DOCK5: variants seen among roughly 807,000 people sequenced by gnomAD.
The protein encoded by DOCK5 is dedicator of cytokinesis 5.
DOCK5 carries 142 observed loss-of-function variants against 251.8 expected under a neutral mutation model. The observed-to-expected ratio is 0.56, with a 90% CI of 0.49 to 0.65. The LOEUF (loss-of-function observed/expected upper bound fraction) is 0.65, where lower values mean the gene tolerates loss of function less well. Ranked by LOEUF, DOCK5 falls within the 30% of genes least tolerant of loss-of-function variation. The pLI is 0.00. For synonymous variants in DOCK5, 842 were observed against 835.5 expected (o/e 1.01, Z -0.13); for missense variants, 2,111 against 2,312.3 (o/e 0.91, Z 1.79).
At chr8:25,375,510 G>A (rs1800948571) in intron 37 of DOCK5, 1 of 183,616 alleles carries the variant, frequency 5.4e-6, no homozygotes. Context: ...AGAGTACTAG[G>A]ATTACAGGCA....
At chr8:25,342,940 C>T (rs1387346346) in intron 25 of DOCK5, among the ~76,000 whole-genome samples, 2 of 151,732 alleles carry the variant, frequency 1.3e-5, no homozygotes, top group East Asian at 2.0e-4. Context: ...CTCCTGACCT[C>T]GTGATCCACC....
At chr8:25,247,970 G>A (rs1418936509) in intron 2 of DOCK5, among the ~76,000 whole-genome samples, 7 of 151,700 alleles carry the variant, frequency 4.6e-5, no homozygotes, top group African/African-American at 1.2e-4. Flanking sequence ...TGCGTCAGCC[G>A]TAGAACTTTT....
At chr8:25,372,836 C>T (rs1240086338) in intron 35 of DOCK5, 118 bp downstream of exon 35, 5 of 956,536 alleles carry the variant, frequency 5.2e-6, no homozygotes, top group Non-Finnish European at 7.6e-6. Flanking sequence ...CTTTGTGGAG[C>T]CGGTGTCTTC....
intron 21 of DOCK5, among the ~76,000 whole-genome samples, chr8:25,335,362 T>G (rs953043615): frequency 4.6e-5 from 7 of 152,158 alleles, no homozygotes; most frequent in Non-Finnish European, 1.0e-4. Context: ...CTGGGTTTAC[T>G]TGCAAGACTT....
intron 2 of DOCK5, among the ~76,000 whole-genome samples, chr8:25,253,143 C>T (rs764299373): frequency 1.3e-5 from 2 of 152,160 alleles, no homozygotes; most frequent in Non-Finnish European, 2.9e-5. Context: ...TAAAAATGTA[C>T]GTGATTCAGG....
At chr8:25,265,327 C>A (rs1803712816) in intron 2 of DOCK5, among the ~76,000 whole-genome samples, 1 of 151,914 alleles carries the variant, frequency 6.6e-6, no homozygotes, top group African/African-American at 2.4e-5. Context: ...TTCGTATTGC[C>A]TCTCCCCATT....
chr8:25,281,625 A>G (rs1014183192), intron 5 of DOCK5, among the ~76,000 whole-genome samples: 8 of 151,844 alleles, frequency 5.3e-5, no homozygotes, highest in Non-Finnish European at 1.0e-4. Context: ...TCACGCCTGT[A>G]ATCCCAGCAC....
Position 25,382,797 on chromosome 8 carries a change from G to T in DOCK5, c.4131+19G>T. ...CCTACGGGTAAGAAACCTGATGGTGGTCTCCCAGGCCATTAGGAGGAGGGA... is the reference window on the plus strand; with the variant it reads ...CCTACGGGTAAGAAACCTGATGGTGTTCTCCCAGGCCATTAGGAGGAGGGA... On this transcript the variant is annotated intron_variant, in intron 40 of 51. Coordinates refer to ENST00000276440, the MANE Select transcript of DOCK5 (RefSeq NM_024940.8). The T allele has an allele frequency of 1.3e-6, 2 of 1,588,662 alleles. No homozygotes were observed. Among genetic ancestry groups the T allele is most frequent in the East Asian group, 2.2e-5 (1 of 44,586 alleles).
At chr8:25,362,767 A>G (rs898541842) in intron 28 of DOCK5, among the ~76,000 whole-genome samples, 5 of 152,198 alleles carry the variant, frequency 3.3e-5, no homozygotes, top group African/African-American at 1.2e-4. Flanking sequence ...CCCTTAAGTG[A>G]GTCCTTTAGT....
chr8:25,399,552 T>C (rs1801401880), intron 45 of DOCK5, among the ~76,000 whole-genome samples: 1 of 152,260 alleles, frequency 6.6e-6, no homozygotes, highest in African/African-American at 2.4e-5. Context: ...TGCACTTAAT[T>C]TAATGATTAG....
At chr8:25,280,433 T>C (rs1804161329) in intron 5 of DOCK5, among the ~76,000 whole-genome samples, 1 of 152,226 alleles carries the variant, frequency 6.6e-6, no homozygotes, top group African/African-American at 2.4e-5. Context: ...TAAGAGTTCA[T>C]GGAAGATATT....
intron 1 of DOCK5, among the ~76,000 whole-genome samples, chr8:25,192,826 T>C (rs1351506616): frequency 6.6e-6 from 1 of 152,222 alleles, no homozygotes; most frequent in Admixed American, 6.5e-5. Flanking sequence ...CTATTTTCTA[T>C]GTTATATTTT....
intron 11 of DOCK5, 41 bp downstream of exon 11, chr8:25,304,368 G>A: frequency 6.6e-7 from 1 of 1,526,620 alleles, no homozygotes; most frequent in Middle Eastern, 1.7e-4. Context: ...TTGAGACCTG[G>A]ATTAGCCATT....
At chr8:25,308,370 A>G (rs1245705205) in intron 11 of DOCK5, among the ~76,000 whole-genome samples, 1 of 152,230 alleles carries the variant, frequency 6.6e-6, no homozygotes, top group Non-Finnish European at 1.5e-5. Flanking sequence ...TCTCTTACAG[A>G]TGGAGAAACT....
intron 1 of DOCK5, among the ~76,000 whole-genome samples, chr8:25,211,977 G>T (rs1274704969): frequency 1.5e-5 from 1 of 67,426 alleles, no homozygotes; most frequent in African/African-American, 3.4e-5. Context: ...TGGCTAACAC[G>T]GTGAATCCCT....
chr8:25,283,838 T>G (rs920721733), intron 5 of DOCK5, among the ~76,000 whole-genome samples: 1 of 152,044 alleles, frequency 6.6e-6, no homozygotes, highest in Non-Finnish European at 1.5e-5. Context: ...AAACTGCAAA[T>G]GTATGGCAGT....
chr8:25,227,492 A>G (rs1802560496), intron 1 of DOCK5, among the ~76,000 whole-genome samples: 1 of 151,888 alleles, frequency 6.6e-6, no homozygotes, highest in African/African-American at 2.4e-5. Context: ...CCATTGATTT[A>G]TTTTTTTATT....
intron 15 of DOCK5, 48 bp from the exon 16 acceptor site, chr8:25,320,932 G>T (rs1276259333): frequency 4.6e-6 from 7 of 1,531,316 alleles, no homozygotes; most frequent in Admixed American, 1.7e-5. Context: ...AACCATGCTT[G>T]CAAAGTACTG....
chr8:25,296,562 G>A lies in DOCK5; in HGVS notation c.520G>A (p.Asp174Asn). Residue 174 changes from aspartate (D) to asparagine (N), a missense_variant, in exon 7 of 52, where the codon GAC becomes AAC. Coordinates refer to ENST00000276440, the MANE Select transcript of DOCK5 (RefSeq NM_024940.8). Reference sequence around the variant, plus strand: ...GCGAGATGACAATGGGAACATCCTAGACCCTGACGAAACCAGCACCATTGC... The same window carrying A: ...GCGAGATGACAATGGGAACATCCTAAACCCTGACGAAACCAGCACCATTGC... Reference protein sequence around the residue: ...VVRDDNGNILDPDETSTIALF... With the variant: ...VVRDDNGNILNPDETSTIALF... 6.2e-7 allele frequency: 1 copy of A among 1,612,128 alleles called. No homozygotes were observed. Among genetic ancestry groups the A allele is most frequent in the Non-Finnish European group, 8.5e-7 (1 of 1,179,136 alleles).
Sources: gnomAD v4.1 joint callset for allele counts (sites outside exome capture counted in the v4.1 genomes callset) on GRCh38, gnomAD v4.1.1 for gene constraint, MANE v1.5 for transcripts, NCBI Gene and HGNC (gene_info 2026-07-23, HGNC 2026-07-21) for gene names.